Variants in ASTN2 observed in about 807,000 individuals in gnomAD.
ASTN2 encodes astrotactin-2.
Under a neutral mutation model 139.8 loss-of-function variants are expected in ASTN2, and 54 were observed. The observed-to-expected ratio is 0.39, with a 90% CI of 0.31 to 0.48. The LOEUF (loss-of-function observed/expected upper bound fraction) is 0.48. ASTN2 is among the 20% of genes least tolerant of loss of function. The probability of loss-of-function intolerance (pLI) is 0.95; values close to 1 mark genes in which losing one functional copy is unlikely to be tolerated. For synonymous variants in ASTN2, 756 were observed against 719.5 expected (o/e 1.05, Z -0.81); for missense variants, 1,565 against 1,725.1 (o/e 0.91, Z 1.64).
intron 1 of ASTN2, among the ~76,000 whole-genome samples, chr9:117,321,729 C>T (rs926360498): frequency 6.6e-6 from 1 of 152,162 alleles, no homozygotes; most frequent in African/African-American, 2.4e-5. Context: ...TAGAACAGAG[C>T]TTCTCAACAT....
chr9:116,835,761 T>C (rs1348539198), intron 11 of ASTN2, among the ~76,000 whole-genome samples: 1 of 152,198 alleles, frequency 6.6e-6, no homozygotes, highest in Admixed American at 6.5e-5. Context: ...TCAAATATTT[T>C]ACAGAGTTTG....
At chr9:116,854,939 A>C (rs1469339230) in intron 11 of ASTN2, among the ~76,000 whole-genome samples, 1 of 151,588 alleles carries the variant, frequency 6.6e-6, no homozygotes, top group South Asian at 2.1e-4. Context: ...GGTTTGAGCC[A>C]CCGCGCCCGG....
intron 19 of ASTN2, among the ~76,000 whole-genome samples, chr9:116,614,486 C>T (rs1392187195): frequency 6.6e-6 from 1 of 152,136 alleles, no homozygotes; most frequent in Non-Finnish European, 1.5e-5. Context: ...TAAAAGGCTA[C>T]AGTAACCAAA....
chr9:117,353,422 G>C (rs1281984345), intron 1 of ASTN2, among the ~76,000 whole-genome samples: 1 of 152,166 alleles, frequency 6.6e-6, no homozygotes, highest in East Asian at 1.9e-4. Context: ...TGGCTACTGT[G>C]TGCTGGGCAA....
intron 17 of ASTN2, among the ~76,000 whole-genome samples, chr9:116,640,972 G>A (rs1260676168): frequency 6.6e-6 from 1 of 152,158 alleles, no homozygotes; most frequent in Non-Finnish European, 1.5e-5. Context: ...TGGGGAATGG[G>A]TGCAGGTGGA....
intron 19 of ASTN2, among the ~76,000 whole-genome samples, chr9:116,499,509 G>A (rs2119131012): frequency 6.6e-6 from 1 of 152,240 alleles, no homozygotes; most frequent in African/African-American, 2.4e-5. Context: ...ACAGCTCCCT[G>A]TGTCCCTCTC....
chr9:116,512,584 C>G (rs1286526289), intron 19 of ASTN2, among the ~76,000 whole-genome samples: 1 of 152,138 alleles, frequency 6.6e-6, no homozygotes, highest in African/African-American at 2.4e-5. Flanking sequence ...GTTGATCTGT[C>G]TAATGTTGAC....
chr9:117,064,954 C>A (rs1026510221), intron 5 of ASTN2, among the ~76,000 whole-genome samples: 1 of 151,940 alleles, frequency 6.6e-6, no homozygotes, highest in African/African-American at 2.4e-5. Context: ...TCAGAATTGA[C>A]CTTACATGGA....
intron 20 of ASTN2, among the ~76,000 whole-genome samples, chr9:116,452,379 T>C (rs1327849009): frequency 6.6e-6 from 1 of 152,216 alleles, no homozygotes; most frequent in African/African-American, 2.4e-5. Context: ...TTTCACCTTG[T>C]CATTAACTAG....
At chr9:116,847,007 C>CAAAAAAA (rs11302692) in intron 11 of ASTN2, among the ~76,000 whole-genome samples, 680 of 74,248 alleles carry the variant, frequency 9.2e-3, no homozygotes, top group Non-Finnish European at 0.013. Context: ...GCTTCATTCT[C>CAAAAAAA]AAAAAAAAAA....
intron 19 of ASTN2, chr9:116,610,951 A>G (rs1394196993): frequency 1.3e-5 from 2 of 152,172 alleles, no homozygotes; most frequent in African/African-American, 4.8e-5. Flanking sequence ...AACCGATTTT[A>G]TCTAACAGGC....
intron 15 of ASTN2, among the ~76,000 whole-genome samples, chr9:116,726,215 T>C (rs1442393225): frequency 6.6e-6 from 1 of 152,156 alleles, no homozygotes; most frequent in Admixed American, 6.5e-5. Flanking sequence ...ACGTAGACCA[T>C]GGGAACTTAA....
In ASTN2 at chr9:117,060,457, A is replaced by AAAGAAAGG. The variant is rs1464588880; in HGVS notation, c.1277-20493_1277-20492insCCTTTCTT. Among the ~76,000 whole-genome samples the AAAGAAAGG allele has an allele frequency of 5.0e-3, 308 of 61,456 alleles. 50 individuals carry two copies. The highest frequency in any genetic ancestry group is 0.031 in the South Asian group (40 of 1,274). The allele number at this position is 61,456 out of a possible 152,430, so 40.3% of individuals were successfully genotyped here. A position where few individuals can be genotyped will look rare whatever the true frequency, so the allele number is the denominator to read the frequency against. On this transcript the variant is annotated intron_variant, in intron 5 of 22. Transcript: ENST00000313400. ...AAGAGAGAGAGAGAAAGAAAGAAAG[A>AAAGAAAGG]AAGGAAGGAAGGAAGGAAGGAAGGA...
intron 6 of ASTN2, among the ~76,000 whole-genome samples, chr9:117,037,588 A>G (rs1232773944): frequency 6.6e-6 from 1 of 152,210 alleles, no homozygotes; most frequent in East Asian, 1.9e-4. Context: ...CTTAGCCATT[A>G]AACTGTTTCA....
At chr9:116,616,072 T>C (rs1339204342) in intron 19 of ASTN2, among the ~76,000 whole-genome samples, 3 of 152,136 alleles carry the variant, frequency 2.0e-5, no homozygotes, top group Non-Finnish European at 4.4e-5. Context: ...ATTAGACAAG[T>C]AATACATAAA....
At chr9:116,430,970 C>T (rs1166438326) in intron 22 of ASTN2, among the ~76,000 whole-genome samples, 2 of 152,204 alleles carry the variant, frequency 1.3e-5, no homozygotes, top group Non-Finnish European at 2.9e-5. Context: ...TTGTCAAATA[C>T]CGGAAATGAA....
At chr9:116,614,436 C>G (rs1451202618) in intron 19 of ASTN2, among the ~76,000 whole-genome samples, 1 of 152,084 alleles carries the variant, frequency 6.6e-6, no homozygotes, top group Non-Finnish European at 1.5e-5. Flanking sequence ...GTAAAAAGAA[C>G]AAAGCTGGAG....
At chr9:116,835,002 T>C (rs1240829624) in intron 11 of ASTN2, among the ~76,000 whole-genome samples, 1 of 152,182 alleles carries the variant, frequency 6.6e-6, no homozygotes, top group Admixed American at 6.5e-5. Flanking sequence ...TGAGCTGTGG[T>C]TGTGCTACTA....
chr9:117,143,429 C>T (rs775804246), intron 3 of ASTN2, among the ~76,000 whole-genome samples: 11 of 152,182 alleles, frequency 7.2e-5, no homozygotes, highest in Non-Finnish European at 2.9e-5. Flanking sequence ...ATGGGCTATA[C>T]TTTGGTCAAA....
Sources: gnomAD v4.1 joint callset for allele counts (sites outside exome capture counted in the v4.1 genomes callset) on GRCh38, gnomAD v4.1.1 for gene constraint, MANE v1.5 for transcripts, NCBI Gene and HGNC (gene_info 2026-07-23, HGNC 2026-07-21) for gene names.